The following LAMA1 variants were observed in gnomAD, a reference collection of about 807,000 sequenced individuals.
LAMA1 encodes the protein laminin subunit alpha-1.
LAMA1 carries 219 observed loss-of-function variants against 348.7 expected under a neutral mutation model. The ratio of observed to expected loss-of-function variants is 0.63; its 90% CI spans 0.56 to 0.70. The LOEUF is 0.70. Among genes scored for constraint, LAMA1 ranks in the 30% least tolerant of loss-of-function variants. The probability of loss-of-function intolerance (pLI) is 0.00; values close to 1 mark genes in which losing one functional copy is unlikely to be tolerated. For missense variants in LAMA1, 3,744 were observed against 3,888.0 expected, an observed-to-expected ratio of 0.96 and a Z score of 0.99; for synonymous variants, 1,487 against 1,491.0, an observed-to-expected ratio of 1.00 and a Z score of 0.06.
chr18:7,053,780 A>ATTTTTTTTT (rs371341214), intron 3 of LAMA1, among the ~76,000 whole-genome samples: 64 of 138,276 alleles, frequency 4.6e-4, no homozygotes, highest in African/African-American at 1.6e-3. Context: ...TCATTAGAGG[A>ATTTTTTTTT]TTTTTTTTTT....
chr18:7,109,504 A>G (rs1039678381), intron 1 of LAMA1, among the ~76,000 whole-genome samples: 1 of 152,232 alleles, frequency 6.6e-6, no homozygotes, highest in Non-Finnish European at 1.5e-5. Context: ...GAAGTGAGAC[A>G]GTTGAAACAG....
At chr18:6,967,568 A>G (rs934107929) in intron 48 of LAMA1, among the ~76,000 whole-genome samples, 1 of 152,230 alleles carries the variant, frequency 6.6e-6, no homozygotes, top group Admixed American at 6.5e-5. Context: ...TGCCCCAGGC[A>G]GTTCTTAGAA....
Position 7,044,888 on chromosome 18 carries a change from G to T in LAMA1, c.859-49C>A, listed in dbSNP as rs7237993. On this transcript the variant is annotated intron_variant, in intron 6 of 62. Coordinates refer to ENST00000389658, the MANE Select transcript of LAMA1 (RefSeq NM_005559.4). ...TGAATTAGAAAATGTATCTGCTTAT[G>T]TTTCTTAATTTCATGGTAAAAAGAA... 0.012 allele frequency: 15,726 copies of T among 1,342,586 alleles called. 1,404 individuals are homozygous for T. The African/African-American group carries it at 0.19, about 16-fold the overall frequency. The allele number at this position is 1,342,586 out of a possible 1,614,324, so 83.2% of individuals were successfully genotyped here. A position where few individuals can be genotyped will look rare whatever the true frequency, so the allele number is the denominator to read the frequency against.
intron 47 of LAMA1, 145 bp from the exon 48 acceptor site, chr18:6,972,126 G>T: frequency 1.2e-6 from 1 of 825,326 alleles, no homozygotes; most frequent in Non-Finnish European, 2.0e-6. Context: ...AAGCCAGTTT[G>T]TAATCACTGG....
intron 42 of LAMA1, among the ~76,000 whole-genome samples, chr18:6,978,629 G>T (rs921496421): frequency 6.6e-6 from 1 of 152,104 alleles, no homozygotes; most frequent in Non-Finnish European, 1.5e-5. Flanking sequence ...AGGGACAAAT[G>T]AAATAATTTT....
At chr18:7,048,551 T>G (rs1455726244) in intron 5 of LAMA1, among the ~76,000 whole-genome samples, 1 of 152,186 alleles carries the variant, frequency 6.6e-6, no homozygotes, top group Non-Finnish European at 1.5e-5. Context: ...AACACCCAGC[T>G]GAATACAACT....
rs766367131 is a variant in LAMA1 at position 6,965,307 on chromosome 18, G to A, written c.7176C>T (p.Phe2392=). 1.2e-6 allele frequency: 2 copies of A among 1,614,072 alleles called. No homozygotes were observed. Among genetic ancestry groups the A allele is most frequent in the African/African-American group, 1.3e-5 (1 of 74,934 alleles). ...CCCTACCTTGCTTCCGGTTTCGCTG[G>A]AAGGCAATTTTGTACCAGGTTCCAT... ...YNNGTWYKIA[F]QRNRKQGVLA... The change falls in exon 50 of 63, where the codon TTC becomes TTT. Residue 2392 remains phenylalanine (F), a synonymous_variant. Transcript: ENST00000389658.
chr18:7,039,786 A>G (rs924742868), intron 10 of LAMA1, among the ~76,000 whole-genome samples: 5 of 152,118 alleles, frequency 3.3e-5, no homozygotes, highest in African/African-American at 1.2e-4. Flanking sequence ...CCCACAGAGG[A>G]GGTGGGAATA....
Position 6,999,989 on chromosome 18 carries a change from G to A in LAMA1, c.4391C>T (p.Pro1464Leu). 1 of 1,612,428 alleles carries A rather than the reference G, an allele frequency of 6.2e-7. No homozygotes were observed. Among genetic ancestry groups the A allele is most frequent in the Non-Finnish European group, 8.5e-7 (1 of 1,178,616 alleles). ...CPHSPPASFS[P>L]TCVLEGDHDF... ...GTGGTCCCCTTCCAAGACACAAGTG[G>A]GACTAAAACTGGAGGAAAAGAATTT... The change falls in exon 31 of 63, where the codon CCC (proline) becomes CTC (leucine). Residue 1464 changes from proline to leucine, a missense_variant. Pro to Leu is a moderately conservative substitution (Grantham distance 98). Around this residue, in one of 3 missense-constraint regions of LAMA1, gnomAD observed 1,983 missense variants for 1,934.3 expected, o/e 1.03. Transcript: ENST00000389658.
chr18:7,022,687 T>C lies in LAMA1; in HGVS notation c.2701+477A>G, dbSNP rs114090251. ...AAGGATCGAATTCAGCAGAGTGCCA[T>C]AGGGGTCGGGCAGTTCTGGCACAGA... On this transcript the variant is annotated intron_variant, in intron 19 of 62. Coordinates refer to ENST00000389658, the MANE Select transcript of LAMA1 (RefSeq NM_005559.4). Among the ~76,000 whole-genome samples, 160 of 152,274 alleles carry C rather than the reference T, an allele frequency of 1.1e-3. 1 individual carries two copies. Among genetic ancestry groups the C allele is most frequent in the African/African-American group, 3.4e-3 (142 of 41,560 alleles).
intron 3 of LAMA1, among the ~76,000 whole-genome samples, chr18:7,076,660 G>C (rs974345087): frequency 5.6e-5 from 8 of 143,184 alleles, no homozygotes; most frequent in African/African-American, 2.3e-4. Context: ...CTGGATCCTG[G>C]TTAAAAAAAA....
chr18:7,008,054 T>C (rs951788560), intron 28 of LAMA1, among the ~76,000 whole-genome samples: 4 of 152,210 alleles, frequency 2.6e-5, no homozygotes, highest in South Asian at 2.1e-4. Flanking sequence ...TGCCTCAGCC[T>C]CCTGAGTAGC....
At chr18:6,945,272 G>T (rs1243149318) in intron 61 of LAMA1, among the ~76,000 whole-genome samples, 1 of 152,152 alleles carries the variant, frequency 6.6e-6, no homozygotes, top group Non-Finnish European at 1.5e-5. Flanking sequence ...GAGGGAAAAA[G>T]TTGGCTGTAA....
chr18:6,976,225 A>G, intron 44 of LAMA1, 145 bp from the exon 45 acceptor site: 1 of 769,452 alleles, frequency 1.3e-6, no homozygotes, highest in Non-Finnish European at 2.3e-6. Flanking sequence ...TGTTTCATGA[A>G]GTGACATATC....
intron 53 of LAMA1, chr18:6,960,154 T>C (rs1185038950): frequency 6.3e-6 from 1 of 158,696 alleles, no homozygotes; most frequent in Non-Finnish European, 1.4e-5. Flanking sequence ...ATATAACCAG[T>C]GATTCCACTC....
intron 13 of LAMA1, among the ~76,000 whole-genome samples, chr18:7,034,960 C>T (rs551078118): frequency 5.3e-5 from 8 of 152,340 alleles, no homozygotes; most frequent in Non-Finnish European, 1.2e-4. Context: ...CAGTTGCCCA[C>T]AGCTTTTATC....
At chr18:7,057,601 A>T (rs1598300409) in intron 3 of LAMA1, among the ~76,000 whole-genome samples, 2 of 148,746 alleles carry the variant, frequency 1.3e-5, no homozygotes, top group Non-Finnish European at 3.0e-5. Context: ...CAGCCTCCCA[A>T]ATCTCTGGAA....
At position 6,950,881 on chromosome 18, in the gene LAMA1, G is replaced by C; in HGVS notation, c.8298C>G (p.Leu2766=). Residue 2766 remains leucine, a synonymous_variant, in exon 58 of 63, where the codon CTC becomes CTG. Coordinates refer to ENST00000389658, the MANE Select transcript of LAMA1 (RefSeq NM_005559.4). The part of the protein sequence containing the change: ...AHQNQADYAV[L]QLHGGRLHFM... ...AGTGGAGGCGGCCCCCGTGCAGCTG[G>C]AGCACAGCGTAGTCTGCTTGGTTCT... The C allele has an allele frequency of 1.2e-6, 2 of 1,614,154 alleles. No homozygotes were observed. The highest frequency in any genetic ancestry group is 1.7e-6 in the Non-Finnish European group (2 of 1,180,036).
chr18:6,953,219 C>A (rs1759243000), intron 57 of LAMA1, among the ~76,000 whole-genome samples: 1 of 151,282 alleles, frequency 6.6e-6, no homozygotes, highest in South Asian at 2.1e-4. Flanking sequence ...CCAGCGGATC[C>A]ACACCATAGG....
Sources: gnomAD v4.1 joint callset for allele counts (sites outside exome capture counted in the v4.1 genomes callset) on GRCh38, gnomAD v4.1.1 for gene constraint, gnomAD v4.1.1 regional missense constraint, MANE v1.5 for transcripts, NCBI Gene and HGNC (gene_info 2026-07-23, HGNC 2026-07-21) for gene names.